The following CACNG6 variants were observed in gnomAD, a reference collection of about 807,000 sequenced individuals.
CACNG6 encodes voltage-dependent calcium channel gamma-6 subunit.
In CACNG6, 21 loss-of-function variants were observed where a neutral mutation model predicts 23.9. That is an observed-to-expected ratio of 0.88 (90% CI 0.62 to 1.26). The LOEUF (loss-of-function observed/expected upper bound fraction) is 1.26, where lower values mean the gene tolerates loss of function less well. Ranked by LOEUF, CACNG6 falls within the 50% of genes most tolerant of loss-of-function variation. The probability of loss-of-function intolerance (pLI) is 0.00; values close to 1 mark genes in which losing one functional copy is unlikely to be tolerated. For missense variants in CACNG6, 340 were observed against 352.9 expected (o/e 0.96, Z 0.29); for synonymous variants, 182 against 168.9 (o/e 1.08, Z -0.60).
intron 3 of CACNG6, among the ~76,000 whole-genome samples, chr19:54,008,243 C>T (rs1202951278): frequency 6.6e-6 from 1 of 152,090 alleles, no homozygotes; most frequent in Admixed American, 6.6e-5. Context: ...GTCCCAGCTA[C>T]TCAAGAGGCT....
chr19:53,991,592 T>TGGAGGGG (rs2069459507), upstream of CACNG6, among the ~76,000 whole-genome samples: 2 of 6,022 alleles, frequency 3.3e-4, no homozygotes, highest in African/African-American at 6.7e-4. Context: ...GGGTGGAGGG[T>TGGAGGGG]GGGGGGTGGG....
chr19:53,991,619 C>T (rs1354468101), upstream of CACNG6, among the ~76,000 whole-genome samples: 1 of 150,856 alleles, frequency 6.6e-6, no homozygotes, highest in African/African-American at 2.4e-5. Flanking sequence ...GGGACGAGGC[C>T]GGGCGCGGGC....
chr19:54,006,229 A>T (rs1214046119), intron 3 of CACNG6, among the ~76,000 whole-genome samples: 1 of 151,808 alleles, frequency 6.6e-6, no homozygotes, highest in Non-Finnish European at 1.5e-5. Context: ...GCCCGTATTC[A>T]TTTGCCAGGG....
chr19:53,993,935 T>A (rs915494343), intron 1 of CACNG6, among the ~76,000 whole-genome samples: 6 of 152,030 alleles, frequency 3.9e-5, no homozygotes, highest in African/African-American at 1.5e-4. Flanking sequence ...AAATCTTGCC[T>A]GTGTCCCCAG....
chr19:54,011,247 A>ACAC (rs1281429168), intron 3 of CACNG6, among the ~76,000 whole-genome samples: 24 of 105,878 alleles, frequency 2.3e-4, no homozygotes, highest in East Asian at 1.3e-3. Context: ...CACACACACA[A>ACAC]AAATTAGCCA....
intron 3 of CACNG6, among the ~76,000 whole-genome samples, chr19:54,005,660 G>A (rs762760750): frequency 4.6e-5 from 7 of 151,704 alleles, no homozygotes; most frequent in African/African-American, 9.7e-5. Context: ...GGCTGAGGCA[G>A]GGGAATCACT....
intron 3 of CACNG6, among the ~76,000 whole-genome samples, chr19:54,004,228 T>G (rs558440209): frequency 6.6e-6 from 1 of 152,126 alleles, no homozygotes; most frequent in South Asian, 2.1e-4. Context: ...TGGCACGATC[T>G]CGACTCACTG....
rs138464456 is a variant in CACNG6, at chr19:54,002,267, G to GTTT, written c.544+2501_544+2503dup. ...TGCCGCCAAGCCCGGCTAATTTTCG[G>GTTT]TTTTTTTGTTTTTTTTGTTTTTTTT... On this transcript the variant is annotated intron_variant, in intron 3 of 3. Coordinates refer to ENST00000252729, the MANE Select transcript of CACNG6 (RefSeq NM_145814.2). 1.7e-3 allele frequency among the ~76,000 whole-genome samples: 218 copies of GTTT among 131,874 alleles called. 9 individuals carry two copies. Among genetic ancestry groups the GTTT allele is most frequent in the African/African-American group, 6.5e-3 (195 of 30,018 alleles). The allele number at this position is 131,874 out of a possible 152,430, so 86.5% of individuals were successfully genotyped here.
chr19:53,997,641 C>T (rs1321749651), intron 1 of CACNG6, among the ~76,000 whole-genome samples: 3 of 152,108 alleles, frequency 2.0e-5, no homozygotes, highest in Admixed American at 6.6e-5. Flanking sequence ...CTGCTGATTC[C>T]GGCTGCCTCT....
rs1456951506 is a variant in CACNG6, at chr19:53,992,977, G to C, written c.100G>C (p.Glu34Gln). 1 of 1,433,368 alleles carries C rather than the reference G, an allele frequency of 7.0e-7. No homozygotes were observed. The highest frequency in any genetic ancestry group is 9.1e-7 in the Non-Finnish European group (1 of 1,096,916). 88.8% of individuals were successfully genotyped at this position (1,433,368 alleles called of 1,614,324 possible). A position where few individuals can be genotyped will look rare whatever the true frequency, so the allele number is the denominator to read the frequency against. The stretch of plus-strand genomic sequence containing the variant: ...GCAGGGCAGGTCGGGGCTGACGCCC[G>C]AGCGCGAGGGGAAGGTGAAGCTGGC... The part of the protein sequence containing the change: ...HGQGRSGLTP[E>Q]REGKVKLALL... Residue 34 changes from glutamate (E) to glutamine (Q), a missense_variant, in exon 1 of 4, where the codon GAG (glutamate) becomes CAG (glutamine). Transcript: ENST00000252729. This position sits in a 1 kb window ranked among gnomAD's most constrained non-coding sequence, Gnocchi z 4.1.
At position 54,012,011 on chromosome 19, in the gene CACNG6, G is replaced by T. The variant is rs1482841848; in HGVS notation, c.605G>T (p.Arg202Ile). The T allele has an allele frequency of 1.9e-6, 3 of 1,603,556 alleles. No homozygotes were observed. Among genetic ancestry groups the T allele is most frequent in the Admixed American group, 3.4e-5 (2 of 58,676 alleles). ...FRHSVRALLQ[R>I]VSPEPPPAPR... Reference sequence around the variant, plus strand: ...CATTCCGTGAGGGCCCTGCTGCAGAGAGTCAGCCCGGAGCCTCCCCCGGCC... The same window carrying T: ...CATTCCGTGAGGGCCCTGCTGCAGATAGTCAGCCCGGAGCCTCCCCCGGCC... Residue 202 changes from arginine to isoleucine, a missense_variant, in exon 4 of 4, where the codon AGA becomes ATA. Transcript: ENST00000252729.
At chr19:53,994,492 C>T (rs1039955269) in intron 1 of CACNG6, among the ~76,000 whole-genome samples, 2 of 152,250 alleles carry the variant, frequency 1.3e-5, no homozygotes, top group Middle Eastern at 6.8e-3. Flanking sequence ...ACATTCTATA[C>T]CCCTTGGGAA....
At chr19:54,006,517 C>CTTTTTTTTTTTTTTTTTTTTTT (rs1236056716) in intron 3 of CACNG6, among the ~76,000 whole-genome samples, 26 of 107,320 alleles carry the variant, frequency 2.4e-4, no homozygotes, top group African/African-American at 8.6e-4. Flanking sequence ...TTCCTTCTTT[C>CTTTTTTTTTTTTTTTTTTTTTT]TTTTCTTTTT....
intron 2 of CACNG6, among the ~76,000 whole-genome samples, chr19:53,998,875 G>T (rs2069548264): frequency 6.6e-6 from 1 of 152,076 alleles, no homozygotes; most frequent in South Asian, 2.1e-4. Context: ...GCAAGTCGCA[G>T]CCCCTCTCTG....
intron 3 of CACNG6, among the ~76,000 whole-genome samples, chr19:54,001,067 C>T (rs1277163332): frequency 6.6e-6 from 1 of 152,226 alleles, no homozygotes; most frequent in Non-Finnish European, 1.5e-5. Flanking sequence ...CAGCTCACTA[C>T]AACCTCTGCC....
intron 3 of CACNG6, among the ~76,000 whole-genome samples, chr19:54,010,019 T>C (rs1422719800): frequency 1.3e-5 from 2 of 150,026 alleles, no homozygotes; most frequent in Non-Finnish European, 3.0e-5. Context: ...AAAACTTGCA[T>C]GGAGACTATT....
intron 3 of CACNG6, among the ~76,000 whole-genome samples, chr19:54,009,394 G>C (rs2069680021): frequency 7.5e-6 from 1 of 132,576 alleles, no homozygotes. Flanking sequence ...GCGTTGCAGT[G>C]AGCTGAGATC....
chr19:53,993,691 C>T (rs1041898625), intron 1 of CACNG6, among the ~76,000 whole-genome samples: 7 of 150,612 alleles, frequency 4.6e-5, no homozygotes, highest in Non-Finnish European at 1.0e-4. Flanking sequence ...TCCCCAGCTA[C>T]AGTTTCCACC....
intron 3 of CACNG6, among the ~76,000 whole-genome samples, chr19:54,008,935 A>C (rs1281789487): frequency 6.6e-6 from 1 of 152,226 alleles, no homozygotes; most frequent in Non-Finnish European, 1.5e-5. Flanking sequence ...GCAGTGTGTA[A>C]AGATTTCTTC....
Sources: allele counts gnomAD v4.1 joint callset (sites outside exome capture counted in the v4.1 genomes callset), GRCh38; gene constraint gnomAD v4.1.1; non-coding constraint Gnocchi (gnomAD v3.1); transcripts MANE v1.5; gene names NCBI Gene and HGNC (gene_info 2026-07-23, HGNC 2026-07-21).